RB1: variants seen among roughly 807,000 people sequenced by gnomAD.
RB1 encodes the protein RB transcriptional corepressor 1.
Under a neutral mutation model 135.4 loss-of-function variants are expected in RB1, and 18 were observed. The observed-to-expected ratio is 0.13, with a 90% CI of 0.09 to 0.20. The LOEUF (loss-of-function observed/expected upper bound fraction) is 0.20, where lower values mean the gene tolerates loss of function less well. Ranked by LOEUF, RB1 falls within the 10% of genes least tolerant of loss-of-function variation. The pLI is 1.00. For missense variants in RB1, 868 were observed against 1,110.0 expected (o/e 0.78, Z 3.10); for synonymous variants, 365 against 373.2 (o/e 0.98, Z 0.25).
chr13:48,331,062 G>C (rs1292587446), intron 2 of RB1, among the ~76,000 whole-genome samples: 4 of 152,260 alleles, frequency 2.6e-5, no homozygotes, highest in Admixed American at 1.3e-4. Flanking sequence ...TCCAGAAAAA[G>C]TGTTTGACAA....
At chr13:48,373,270 T>C (rs1473815192) in intron 11 of RB1, 135 bp from the exon 12 acceptor site, 7 of 644,278 alleles carry the variant, frequency 1.1e-5, no homozygotes, top group Non-Finnish European at 2.0e-5. Context: ...CACAGTCTTA[T>C]TTGAGGGAAT....
intron 17 of RB1, 82 bp downstream of exon 17, chr13:48,381,525 T>A (rs1480922183): frequency 8.0e-6 from 10 of 1,257,184 alleles, no homozygotes; most frequent in Admixed American, 1.8e-5. Flanking sequence ...TTTCTTAACA[T>A]CTACCTCAAG....
intron 17 of RB1, chr13:48,401,286 T>G (rs1164074974): frequency 6.6e-6 from 1 of 152,128 alleles, no homozygotes; most frequent in African/African-American, 2.4e-5. Flanking sequence ...AATTTTCAGT[T>G]TGTAAACTTA....
intron 17 of RB1, among the ~76,000 whole-genome samples, chr13:48,384,149 GAA>G (rs1948556077): frequency 2.6e-5 from 4 of 152,164 alleles, no homozygotes; most frequent in African/African-American, 9.6e-5. Flanking sequence ...CCCAAATCTG[GAA>G]AAGAGTATGA....
intron 17 of RB1, among the ~76,000 whole-genome samples, chr13:48,448,680 T>C (rs1409676437): frequency 1.3e-5 from 2 of 152,208 alleles, no homozygotes; most frequent in Non-Finnish European, 2.9e-5. Context: ...AGTTTAGAGT[T>C]GAAAGCGCAT....
chr13:48,315,065 C>T (rs2804092), intron 2 of RB1, among the ~76,000 whole-genome samples: 139,987 of 152,166 alleles, frequency 0.92, 65,051 homozygotes, highest in East Asian at 1. Flanking sequence ...TTTTTCCTAA[C>T]TCTGTGAATA....
At chr13:48,417,446 G>A (rs1948931494) in intron 17 of RB1, 1 of 152,192 alleles carries the variant, frequency 6.6e-6, no homozygotes, top group Non-Finnish European at 1.5e-5. Flanking sequence ...AAGACCAAAG[G>A]TAGATAAATC....
At chr13:48,342,862 C>A in intron 3 of RB1, 148 bp downstream of exon 3, 1 of 624,650 alleles carries the variant, frequency 1.6e-6, no homozygotes. Flanking sequence ...CTGCCATTCT[C>A]TCATGGAGCC....
chr13:48,354,797 G>A (rs1952576400), intron 6 of RB1, among the ~76,000 whole-genome samples: 1 of 152,008 alleles, frequency 6.6e-6, no homozygotes, highest in African/African-American at 2.4e-5. Context: ...TTTGACAGTG[G>A]CCAAGAACAT....
chr13:48,308,378 G>A lies in RB1; in HGVS notation c.264+972G>A, dbSNP rs976146462. On this transcript the variant is annotated intron_variant, in intron 2 of 26. Coordinates refer to ENST00000267163, the MANE Select transcript of RB1 (RefSeq NM_000321.3). ...AAAAAATAAATAAAAATAAGGCTGG[G>A]CGTGGTGGCTCAAACCTGTAATCCC... is the stretch of plus-strand genomic sequence containing the variant. 4.4e-4 allele frequency among the ~76,000 whole-genome samples: 67 copies of A among 151,862 alleles called. 1 individual carries two copies. The highest frequency in any genetic ancestry group is 1.5e-3 in the African/African-American group (63 of 41,416).
At chr13:48,324,031 T>C (rs1036994438) in intron 2 of RB1, among the ~76,000 whole-genome samples, 24 of 152,012 alleles carry the variant, frequency 1.6e-4, no homozygotes, top group Admixed American at 9.2e-4. Context: ...TCTCTGTTGC[T>C]CTCCTTTTTT....
intron 3 of RB1, 104 bp downstream of exon 3, chr13:48,342,818 A>T: frequency 2.5e-6 from 2 of 797,418 alleles, no homozygotes; most frequent in Non-Finnish European, 4.1e-6. Flanking sequence ...GCTAAAATAA[A>T]GTAAAACAAA....
At chr13:48,304,567 A>G (rs1952062086) in intron 1 of RB1, among the ~76,000 whole-genome samples, 1 of 152,142 alleles carries the variant, frequency 6.6e-6, no homozygotes, top group Non-Finnish European at 1.5e-5. Flanking sequence ...CAAGAAGCGC[A>G]GGGTCCTGAG....
chr13:48,310,326 A>C (rs563857635), intron 2 of RB1, among the ~76,000 whole-genome samples: 1 of 152,302 alleles, frequency 6.6e-6, no homozygotes, highest in East Asian at 1.9e-4. Flanking sequence ...ATATTGTCAA[A>C]AAGGAAACCC....
chr13:48,358,620 C>G (rs115359139), intron 6 of RB1, among the ~76,000 whole-genome samples: 140 of 152,148 alleles, frequency 9.2e-4, no homozygotes, highest in Middle Eastern at 3.4e-3. Flanking sequence ...TTCAAATTGT[C>G]CCCAGTTCAA....
chr13:48,309,695 C>T (rs1350901627), intron 2 of RB1, among the ~76,000 whole-genome samples: 1 of 152,132 alleles, frequency 6.6e-6, no homozygotes, highest in Admixed American at 6.5e-5. Context: ...AATATACATA[C>T]TGTAGTTTTC....
chr13:48,410,040 A>C (rs1032592430), intron 17 of RB1, among the ~76,000 whole-genome samples: 1 of 152,202 alleles, frequency 6.6e-6, no homozygotes, highest in Non-Finnish European at 1.5e-5. Context: ...GTTACTTTAT[A>C]ATGTAAGGAA....
intron 17 of RB1, chr13:48,408,758 A>G (rs1948762285): frequency 6.6e-6 from 1 of 152,162 alleles, no homozygotes; most frequent in Non-Finnish European, 1.5e-5. Flanking sequence ...CTTTTGATTC[A>G]TTTATCTTCC....
intron 12 of RB1, among the ~76,000 whole-genome samples, chr13:48,376,499 CAAA>C (rs751662834): frequency 0.011 from 757 of 65,932 alleles, 12 homozygotes; most frequent in African/African-American, 0.03. Flanking sequence ...CACTTCATCT[CAAA>C]AAAAAAAAAA....
Sources: gnomAD v4.1 joint callset for allele counts (sites outside exome capture counted in the v4.1 genomes callset) on GRCh38, gnomAD v4.1.1 for gene constraint, MANE v1.5 for transcripts, NCBI Gene and HGNC (gene_info 2026-07-23, HGNC 2026-07-21) for gene names.